FHIT: variants seen among roughly 807,000 people sequenced by gnomAD.
The protein encoded by FHIT is bis(5'-adenosyl)-triphosphatase.
In FHIT, 19 loss-of-function variants were observed where a neutral mutation model predicts 17.9. The ratio of observed to expected loss-of-function variants is 1.06; its 90% CI spans 0.74 to 1.56. FHIT has a LOEUF of 1.56. Among genes scored for constraint, FHIT ranks in the 40% most tolerant of loss-of-function variants. FHIT has a pLI of 0.00. For synonymous variants in FHIT, 81 were observed against 69.7 expected (o/e 1.16, Z -0.81); for missense variants, 248 against 189.2 (o/e 1.31, Z -1.82).
chr3:60,887,428 T>G (rs1553759512), intron 3 of FHIT, among the ~76,000 whole-genome samples: 2 of 152,130 alleles, frequency 1.3e-5, no homozygotes. Flanking sequence ...GCAGATCATC[T>G]GAGGTCAGGA....
At chr3:60,108,748 C>T (rs999049736) in intron 5 of FHIT, among the ~76,000 whole-genome samples, 1 of 151,914 alleles carries the variant, frequency 6.6e-6, no homozygotes, top group Non-Finnish European at 1.5e-5. Flanking sequence ...ACCACAACCT[C>T]CACCTCCTGG....
At chr3:60,971,818 C>T (rs1282625602) in intron 3 of FHIT, among the ~76,000 whole-genome samples, 1 of 152,082 alleles carries the variant, frequency 6.6e-6, no homozygotes, top group Non-Finnish European at 1.5e-5. Context: ...GAATATTACA[C>T]TTTTAAAACA....
At chr3:60,184,974 T>C (rs979620327) in intron 5 of FHIT, among the ~76,000 whole-genome samples, 2 of 152,154 alleles carry the variant, frequency 1.3e-5, no homozygotes, top group Non-Finnish European at 2.9e-5. Context: ...GTGATTTATT[T>C]TGTTGTGTTT....
At chr3:61,004,735 A>T (rs2031327637) in intron 3 of FHIT, among the ~76,000 whole-genome samples, 1 of 152,082 alleles carries the variant, frequency 6.6e-6, no homozygotes. Context: ...GAAGGCAAAA[A>T]AACCCACTGA....
intron 5 of FHIT, among the ~76,000 whole-genome samples, chr3:60,053,106 G>C (rs1701948849): frequency 1.3e-5 from 2 of 151,740 alleles, no homozygotes; most frequent in African/African-American, 2.4e-5. Flanking sequence ...TAGCACCTTG[G>C]CTTCTGTATC....
At chr3:61,120,139 G>T (rs999403212) in intron 2 of FHIT, among the ~76,000 whole-genome samples, 2 of 152,042 alleles carry the variant, frequency 1.3e-5, no homozygotes, top group Admixed American at 1.3e-4. Context: ...AGTGAACCAG[G>T]GCATGTTACT....
At chr3:61,088,681 A>T (rs2035380275) in intron 2 of FHIT, among the ~76,000 whole-genome samples, 1 of 152,180 alleles carries the variant, frequency 6.6e-6, no homozygotes, top group Non-Finnish European at 1.5e-5. Context: ...TTTTCATATT[A>T]TGCAGGTATC....
chr3:60,794,907 A>T (rs17064007), intron 4 of FHIT, among the ~76,000 whole-genome samples: 3,787 of 152,300 alleles, frequency 0.025, 166 homozygotes, highest in African/African-American at 0.085. Context: ...TGTACTGTGT[A>T]TCAAATTCAA....
At chr3:60,982,742 A>C (rs1710549630) in intron 3 of FHIT, among the ~76,000 whole-genome samples, 1 of 152,152 alleles carries the variant, frequency 6.6e-6, no homozygotes, top group Admixed American at 6.5e-5. Flanking sequence ...TTGGCTATTC[A>C]CTGCTTATTG....
At chr3:60,919,326 T>G (rs782186168) in intron 3 of FHIT, among the ~76,000 whole-genome samples, 1 of 151,968 alleles carries the variant, frequency 6.6e-6, no homozygotes, top group African/African-American at 2.4e-5. Context: ...TATACAAACT[T>G]AAACACAAAG....
At chr3:61,082,863 A>G (rs910026376) in intron 2 of FHIT, among the ~76,000 whole-genome samples, 8 of 152,022 alleles carry the variant, frequency 5.3e-5, no homozygotes, top group Admixed American at 3.3e-4. Flanking sequence ...CTTTTTTCCA[A>G]TGGGCTATTT....
At chr3:60,705,145 A>T (rs1577090413) in intron 4 of FHIT, among the ~76,000 whole-genome samples, 1 of 152,272 alleles carries the variant, frequency 6.6e-6, no homozygotes, top group Non-Finnish European at 1.5e-5. Context: ...GATAGCAACA[A>T]TCATACTTTA....
At chr3:59,752,163 C>A in intron 9 of FHIT, 58 bp downstream of exon 9, 1 of 1,226,468 alleles carries the variant, frequency 8.2e-7, no homozygotes, top group Non-Finnish European at 1.2e-6. Context: ...TCTGAGAGTG[C>A]AGCCTCTTTC....
intron 2 of FHIT, among the ~76,000 whole-genome samples, chr3:61,060,024 T>G (rs556050453): frequency 1.5e-4 from 23 of 152,188 alleles, no homozygotes; most frequent in Admixed American, 5.9e-4. Flanking sequence ...GAGTGGGTCC[T>G]GCAATGGGAT....
chr3:60,197,521 T>C (rs1702703057), intron 5 of FHIT, among the ~76,000 whole-genome samples: 1 of 152,188 alleles, frequency 6.6e-6, no homozygotes, highest in Non-Finnish European at 1.5e-5. Flanking sequence ...TGAGCTAAAG[T>C]AAATATTAGT....
At chr3:60,781,945 C>T (rs571413569) in intron 4 of FHIT, among the ~76,000 whole-genome samples, 1 of 152,144 alleles carries the variant, frequency 6.6e-6, no homozygotes, top group African/African-American at 2.4e-5. Flanking sequence ...TTAACATAGC[C>T]ATCACCTCAA....
At chr3:60,407,872 C>T (rs1701930236) in intron 5 of FHIT, among the ~76,000 whole-genome samples, 1 of 152,090 alleles carries the variant, frequency 6.6e-6, no homozygotes, top group Admixed American at 6.6e-5. Flanking sequence ...AATAGGAGCC[C>T]CTACATTTCT....
At chr3:60,147,138 A>C (rs1486491112) in intron 5 of FHIT, among the ~76,000 whole-genome samples, 4 of 152,188 alleles carry the variant, frequency 2.6e-5, no homozygotes, top group African/African-American at 9.6e-5. Context: ...ATTCTAAAAA[A>C]GCAAAATAGT....
intron 3 of FHIT, among the ~76,000 whole-genome samples, chr3:60,917,946 G>C (rs1707090153): frequency 6.6e-6 from 1 of 152,160 alleles, no homozygotes; most frequent in Non-Finnish European, 1.5e-5. Context: ...CATTGATATG[G>C]TTTGGTTGTG....
Sources: gnomAD v4.1 joint callset for allele counts (sites outside exome capture counted in the v4.1 genomes callset) on GRCh38, gnomAD v4.1.1 for gene constraint, MANE v1.5 for transcripts, NCBI Gene and HGNC (gene_info 2026-07-23, HGNC 2026-07-21) for gene names.